The following PARD3 variants were observed in gnomAD, a reference collection of about 807,000 sequenced individuals.
PARD3 encodes par-3 family cell polarity regulator, also known as partitioning defective 3 homolog.
Under a neutral mutation model 155.4 loss-of-function variants are expected in PARD3, and 75 were observed. The ratio of observed to expected loss-of-function variants is 0.48; its 90% confidence interval spans 0.40 to 0.58. PARD3 has a LOEUF of 0.58. Ranked by LOEUF, PARD3 falls within the 20% of genes least tolerant of loss-of-function variation. The pLI, the probability that PARD3 is intolerant of heterozygous loss-of-function variation, is 0.00. For synonymous variants in PARD3, 576 were observed against 610.5 expected (o/e 0.94, Z 0.83); for missense variants, 1,642 against 1,721.7 (o/e 0.95, Z 0.82).
In PARD3 at chr10:34,174,393, G is replaced by A. The variant is rs77752262; in HGVS notation, c.3420-42810C>T. On this transcript the variant is annotated intron_variant, in intron 22 of 24. Transcript: ENST00000374788. The stretch of plus-strand genomic sequence containing the variant: ...CACATAAGCAGGTAAGTAGTTTACA[G>A]AGCCAAGGATCCCAATGCAAGAGAT... Among the ~76,000 whole-genome samples the A allele has an allele frequency of 8.0e-3, 1,221 of 152,298 alleles. 21 individuals carry two copies. The highest frequency in any genetic ancestry group is 0.028 in the African/African-American group (1,164 of 41,556).
rs183997134 is a variant in PARD3 at position 34,742,237 on chromosome 10, G to C, written c.121-45818C>G. Among the ~76,000 whole-genome samples the C allele has an allele frequency of 3.1e-3, 468 of 152,316 alleles. 2 individuals carry two copies. The highest frequency in any genetic ancestry group is 0.01 in the African/African-American group (435 of 41,572). On this transcript the variant is annotated intron_variant, in intron 1 of 24. Coordinates refer to ENST00000374788, the MANE Select transcript of PARD3 (RefSeq NM_001184785.2). Reference sequence around the variant, plus strand: ...CTACAAACAATCACAGAGTTTACAAGGACAGGAACTGGGATGAGATCAGAG... The same window carrying C: ...CTACAAACAATCACAGAGTTTACAACGACAGGAACTGGGATGAGATCAGAG...
intron 1 of PARD3, among the ~76,000 whole-genome samples, chr10:34,812,698 C>T (rs949292283): frequency 6.6e-6 from 1 of 152,134 alleles, no homozygotes; most frequent in African/African-American, 2.4e-5. Flanking sequence ...ACCTACAGAA[C>T]TCTAAGTTGT....
chr10:34,214,657 A>G (rs1951913878), intron 22 of PARD3, among the ~76,000 whole-genome samples: 1 of 151,852 alleles, frequency 6.6e-6, no homozygotes, highest in Non-Finnish European at 1.5e-5. Context: ...TCTCTGCAAA[A>G]AATAAAAAAA....
chr10:34,518,482 T>C (rs758894648), intron 2 of PARD3, among the ~76,000 whole-genome samples: 38 of 152,122 alleles, frequency 2.5e-4, no homozygotes, highest in Non-Finnish European at 4.7e-4. Flanking sequence ...TACTCAAAAA[T>C]GATGAAGGCA....
intron 2 of PARD3, among the ~76,000 whole-genome samples, chr10:34,644,988 G>C (rs2092791877): frequency 6.6e-6 from 1 of 151,958 alleles, no homozygotes; most frequent in African/African-American, 2.4e-5. Context: ...TGAATAGCTG[G>C]GACTACAGGC....
At chr10:34,465,109 T>C (rs1021355978) in intron 4 of PARD3, among the ~76,000 whole-genome samples, 2 of 152,230 alleles carry the variant, frequency 1.3e-5, no homozygotes, top group Non-Finnish European at 2.9e-5. Context: ...TTCTGCATTA[T>C]ATAGGAAATT....
At chr10:34,285,221 C>A (rs1956329108) in intron 20 of PARD3, among the ~76,000 whole-genome samples, 2 of 152,132 alleles carry the variant, frequency 1.3e-5, no homozygotes, top group South Asian at 4.1e-4. Flanking sequence ...TTGAGTATTT[C>A]TTTCTGAAGA....
chr10:34,131,659 G>A, intron 22 of PARD3, 76 bp from the exon 23 acceptor site: 1 of 1,299,326 alleles, frequency 7.7e-7, no homozygotes, highest in Non-Finnish European at 1.1e-6. Context: ...GCAAAACATG[G>A]CAACTTGCTG....
At chr10:34,443,519 G>C (rs1257307016) in intron 5 of PARD3, among the ~76,000 whole-genome samples, 1 of 152,164 alleles carries the variant, frequency 6.6e-6, no homozygotes, top group Non-Finnish European at 1.5e-5. Context: ...GCAGGGAGGA[G>C]AAAGTCACAT....
chr10:34,244,887 T>C (rs886181561), intron 22 of PARD3, among the ~76,000 whole-genome samples: 2 of 152,164 alleles, frequency 1.3e-5, no homozygotes, highest in Non-Finnish European at 2.9e-5. Context: ...TATCCTTATC[T>C]CCTTAAGATA....
chr10:34,405,778 G>C (rs1294962781), intron 5 of PARD3, among the ~76,000 whole-genome samples: 1 of 152,132 alleles, frequency 6.6e-6, no homozygotes, highest in Non-Finnish European at 1.5e-5. Flanking sequence ...TTTATGTAGT[G>C]GTTCCTCAGC....
intron 1 of PARD3, among the ~76,000 whole-genome samples, chr10:34,813,042 G>A (rs145678272): frequency 6.6e-6 from 1 of 152,212 alleles, no homozygotes; most frequent in African/African-American, 2.4e-5. Context: ...ACAGCCAGTG[G>A]GTCCCTTAGA....
At chr10:34,206,983 C>T (rs552309789) in intron 22 of PARD3, among the ~76,000 whole-genome samples, 138 of 152,292 alleles carry the variant, frequency 9.1e-4, no homozygotes, top group African/African-American at 3.1e-3. Context: ...CTCTAGATTA[C>T]ACAGCTTCAT....
intron 15 of PARD3, chr10:34,343,268 T>C: frequency 1.2e-6 from 1 of 843,420 alleles, no homozygotes; most frequent in Non-Finnish European, 1.4e-6. Flanking sequence ...TAAAAGAAAA[T>C]ATTACAGTAT....
chr10:34,132,958 T>C (rs993380214), intron 22 of PARD3, among the ~76,000 whole-genome samples: 1 of 152,102 alleles, frequency 6.6e-6, no homozygotes, highest in African/African-American at 2.4e-5. Flanking sequence ...TGGGGATGGC[T>C]GGAGAGGAGA....
At chr10:34,119,370 CT>C (rs1019289228) in intron 24 of PARD3, among the ~76,000 whole-genome samples, 122 of 152,294 alleles carry the variant, frequency 8.0e-4, no homozygotes, top group African/African-American at 2.8e-3. Context: ...AGTCGCTTCA[CT>C]TTTTTAGGGA....
intron 2 of PARD3, among the ~76,000 whole-genome samples, chr10:34,669,544 T>C (rs754568164): frequency 2.0e-5 from 3 of 152,078 alleles, no homozygotes; most frequent in Non-Finnish European, 4.4e-5. Flanking sequence ...CACCACACAA[T>C]ATATCCATGT....
In PARD3 at chr10:34,348,867, C is replaced by T. The variant is rs1486217235; in HGVS notation, c.2068-752G>A. 3.3e-5 allele frequency among the ~76,000 whole-genome samples: 5 copies of T among 152,058 alleles called. No homozygotes were observed. In the East Asian group the frequency reaches 7.7e-4, roughly 23 times the overall value. On this transcript the variant is annotated intron_variant, in intron 14 of 24. Coordinates refer to ENST00000374788, the MANE Select transcript of PARD3 (RefSeq NM_001184785.2). ...ATAAGCAATGAATGTATGTCAATTT[C>T]GATGACAATAAATTAAAATGTATCG...
intron 23 of PARD3, among the ~76,000 whole-genome samples, chr10:34,124,534 G>A (rs1176233277): frequency 6.6e-6 from 1 of 152,044 alleles, no homozygotes; most frequent in Non-Finnish European, 1.5e-5. Flanking sequence ...TCAAAACAAC[G>A]TTAACTTTTG....
Sources: allele counts gnomAD v4.1 joint callset (sites outside exome capture counted in the v4.1 genomes callset), GRCh38; gene constraint gnomAD v4.1.1; transcripts MANE v1.5; gene names NCBI Gene and HGNC (gene_info 2026-07-23, HGNC 2026-07-21).